Variants in SP7 observed in about 807,000 individuals in gnomAD.
SP7 encodes transcription factor Sp7.
SP7 carries 13 observed loss-of-function variants against 27.9 expected under a neutral mutation model. That is an observed-to-expected ratio of 0.47 (90% CI 0.30 to 0.74). The LOEUF is 0.74. SP7 is among the 30% of genes least tolerant of loss of function. The pLI, the probability that SP7 is intolerant of heterozygous loss-of-function variation, is 0.06. For missense variants in SP7, 525 were observed against 558.0 expected (o/e 0.94, Z 0.60); for synonymous variants, 219 against 226.7 (o/e 0.97, Z 0.31).
chr12:53,335,862 C>G, intron 1 of SP7, 169 bp from the exon 2 acceptor site: 1 of 1,394,664 alleles, frequency 7.2e-7, no homozygotes, highest in Non-Finnish European at 9.3e-7. Context: ...GGCTCCAGAT[C>G]CAATGAGGAG....
At chr12:53,339,685 A>C (rs182015719), upstream of SP7, among the ~76,000 whole-genome samples, 1 of 146,162 alleles carries the variant, frequency 6.8e-6, no homozygotes, top group East Asian at 2.1e-4. Flanking sequence ...AGATCATGCC[A>C]TTGCACTCCA....
chr12:53,340,681 C>T (rs1456439912), upstream of SP7, among the ~76,000 whole-genome samples: 1 of 152,164 alleles, frequency 6.6e-6, no homozygotes, highest in African/African-American at 2.4e-5. Context: ...CTGGCCACTA[C>T]CCGCCCATGC....
Position 53,329,164 on chromosome 12 carries a change from G to A in SP7, c.278C>T (p.Pro93Leu), listed in dbSNP as rs1193579390. Residue 93 changes from proline (P) to leucine (L), a missense_variant, in exon 3 of 3, where the codon CCT (proline) becomes CTT (leucine). Physicochemically the swap from Pro to Leu is moderately conservative, Grantham distance 98 (BLOSUM62 -3). Coordinates refer to ENST00000536324, the MANE Select transcript of SP7 (RefSeq NM_001173467.3). ...CCCAGGGAATGAGTGGGAAAAGGGA[G>A]GGTAATCATTAGCATAGCCTGAGGT... ...APTSGYANDY[P>L]PFSHSFPGPT... 1.2e-6 allele frequency: 2 copies of A among 1,613,870 alleles called. No homozygotes were observed. The highest frequency in any genetic ancestry group is 1.1e-5 in the South Asian group (1 of 91,080).
At chr12:53,334,428 A>G (rs1347439525) in intron 2 of SP7, among the ~76,000 whole-genome samples, 2 of 152,076 alleles carry the variant, frequency 1.3e-5, no homozygotes, top group Non-Finnish European at 2.9e-5. Flanking sequence ...ACTCAGGCCA[A>G]TGAACACAGG....
intron 1 of SP7, 96 bp from the exon 2 acceptor site, chr12:53,335,789 G>A: frequency 1.5e-6 from 2 of 1,336,044 alleles, no homozygotes; most frequent in Non-Finnish European, 1.9e-6. Context: ...AAGGGACCGG[G>A]GTGGGGGGCT....
intron 2 of SP7, among the ~76,000 whole-genome samples, chr12:53,330,371 A>G (rs1273799570): frequency 6.6e-6 from 1 of 152,128 alleles, no homozygotes; most frequent in Non-Finnish European, 1.5e-5. Context: ...ATTTTTAGAG[A>G]CAGGGTCTCA....
At position 53,344,062 on chromosome 12, in the gene SP7, T is replaced by A. The variant is rs983973732; in HGVS notation, c.-34+1052A>T. ...GACTCTGTCTCAAGAAAAAAAAAAA[T>A]AAAAAAATAAGTCAATGAAGGGGTG... On this transcript the variant is annotated intron_variant, in intron 1 of 1. Transcript: ENST00000547755. This position sits in a 1 kb window ranked among gnomAD's most constrained non-coding sequence, Gnocchi z 4.6. 1.3e-5 allele frequency among the ~76,000 whole-genome samples: 2 copies of A among 151,084 alleles called. No homozygotes were observed. The highest frequency in any genetic ancestry group is 2.4e-5 in the African/African-American group (1 of 40,954).
At chr12:53,338,157 TG>T (rs531595184), upstream of SP7, among the ~76,000 whole-genome samples, 6 of 104,478 alleles carry the variant, frequency 5.7e-5, no homozygotes, top group South Asian at 1.8e-3. Flanking sequence ...GCCAGGCAGG[TG>T]GGGGGGCGGG....
chr12:53,342,394 G>A (rs1944831740), intron 1 of SP7, among the ~76,000 whole-genome samples: 1 of 152,208 alleles, frequency 6.6e-6, no homozygotes, highest in South Asian at 2.1e-4. Context: ...TGTTCAGAAA[G>A]CACCTACTTT....
intron 2 of SP7, among the ~76,000 whole-genome samples, chr12:53,335,042 C>T (rs1944750816): frequency 6.6e-6 from 1 of 152,176 alleles, no homozygotes; most frequent in Admixed American, 6.5e-5. Flanking sequence ...CTGGTCAGCT[C>T]CCCCACAGGC....
At chr12:53,332,082 C>T (rs1358865455) in intron 2 of SP7, among the ~76,000 whole-genome samples, 4 of 152,142 alleles carry the variant, frequency 2.6e-5, no homozygotes, top group African/African-American at 7.2e-5. Context: ...CAGGGTTTCC[C>T]GGGAACCCCT....
At chr12:53,337,526 C>A (rs1255747413), upstream of SP7, among the ~76,000 whole-genome samples, 1 of 152,128 alleles carries the variant, frequency 6.6e-6, no homozygotes, top group African/African-American at 2.4e-5. Flanking sequence ...ACACACTTCT[C>A]CCCCTCCCAG....
chr12:53,341,004 TG>T (rs774141784), upstream of SP7, among the ~76,000 whole-genome samples: 17 of 152,186 alleles, frequency 1.1e-4, no homozygotes, highest in Non-Finnish European at 1.6e-4. Flanking sequence ...TCAGGGTACT[TG>T]GGGAAGAGGA....
Position 53,329,311 on chromosome 12 carries a change from G to C in SP7, c.131C>G (p.Thr44Arg). The C allele has an allele frequency of 6.2e-7, 1 of 1,613,932 alleles. No individual in the cohort carries two copies. The highest frequency in any genetic ancestry group is 8.5e-7 in the Non-Finnish European group (1 of 1,179,890). Reference protein sequence around the residue: ...RDSTTLGKAGTKKPYSVGSDL... With the variant: ...RDSTTLGKAGRKKPYSVGSDL... ...ACTGCCCACAGAGTACGGCTTCTTTGTGCCTGCTTTGCCCAGAGTTGTTGA... is the reference window on the plus strand; with the variant it reads ...ACTGCCCACAGAGTACGGCTTCTTTCTGCCTGCTTTGCCCAGAGTTGTTGA... The change falls in exon 3 of 3, where the codon ACA becomes AGA. Residue 44 changes from threonine to arginine, a missense_variant. Coordinates refer to ENST00000536324, the MANE Select transcript of SP7 (RefSeq NM_001173467.3).
chr12:53,336,744 G>A (rs1944776417), upstream of SP7, among the ~76,000 whole-genome samples: 3 of 151,400 alleles, frequency 2.0e-5, no homozygotes, highest in African/African-American at 7.3e-5. Flanking sequence ...GTGTGTACGT[G>A]CCCGTGTGTG....
upstream of SP7, among the ~76,000 whole-genome samples, chr12:53,336,859 T>C (rs1944777435): frequency 6.6e-6 from 1 of 152,100 alleles, no homozygotes. Context: ...GAGCAAGGCC[T>C]GGAGGAAGGG....
intron 1 of SP7, 110 bp from the exon 2 acceptor site, chr12:53,335,803 CTCTG>C (rs1484705022): frequency 2.1e-6 from 3 of 1,419,564 alleles, no homozygotes; most frequent in South Asian, 2.9e-5. Context: ...GGGGGCTGCT[CTCTG>C]TCTGTAGGGA....
intron 2 of SP7, among the ~76,000 whole-genome samples, chr12:53,333,009 G>A (rs908890898): frequency 6.6e-6 from 1 of 152,226 alleles, no homozygotes; most frequent in Non-Finnish European, 1.5e-5. Context: ...AGGGAAGGAG[G>A]GGTGAAAGAA....
At chr12:53,337,452 C>T (rs1393045633), upstream of SP7, among the ~76,000 whole-genome samples, 3 of 152,228 alleles carry the variant, frequency 2.0e-5, no homozygotes, top group East Asian at 5.8e-4. Context: ...TAAGTGGTGA[C>T]ACCGGCAGCT....
Sources: gnomAD v4.1 joint callset for allele counts (sites outside exome capture counted in the v4.1 genomes callset) on GRCh38, gnomAD v4.1.1 for gene constraint, Gnocchi (gnomAD v3.1) non-coding constraint, MANE v1.5 for transcripts, NCBI Gene and HGNC (gene_info 2026-07-23, HGNC 2026-07-21) for gene names.